CCDC171: variants seen among roughly 807,000 people sequenced by gnomAD.
CCDC171 encodes the protein coiled-coil domain-containing protein 171.
A neutral mutation model predicts 168.2 loss-of-function variants in CCDC171; 177 were observed. That is an observed-to-expected ratio of 1.05 (90% CI 0.93 to 1.19). The LOEUF is 1.19. CCDC171 is among the 50% of genes most tolerant of loss of function. The pLI is 0.00. For synonymous variants in CCDC171, 687 were observed against 540.8 expected (o/e 1.27, Z -3.75); for missense variants, 1,991 against 1,539.0 (o/e 1.29, Z -4.91).
intron 18 of CCDC171, among the ~76,000 whole-genome samples, chr9:15,762,131 T>G (rs2135104986): frequency 6.7e-6 from 1 of 150,264 alleles, no homozygotes; most frequent in Admixed American, 6.6e-5. Context: ...GGGTAATTTC[T>G]GGGCAACTTC....
intron 21 of CCDC171, among the ~76,000 whole-genome samples, chr9:15,802,971 T>C (rs775933367): frequency 9.2e-5 from 14 of 152,182 alleles, no homozygotes; most frequent in Admixed American, 2.6e-4. Flanking sequence ...AGATGGTATC[T>C]CATTGTTGTT....
intron 9 of CCDC171, among the ~76,000 whole-genome samples, chr9:15,671,397 G>C (rs142176672): frequency 6.6e-6 from 1 of 151,286 alleles, no homozygotes; most frequent in African/African-American, 2.4e-5. Context: ...TGTATACAAC[G>C]TGCAGGTTTG....
chr9:16,065,217 A>T (rs972522652), downstream of CCDC171, among the ~76,000 whole-genome samples: 2 of 152,178 alleles, frequency 1.3e-5, no homozygotes, highest in African/African-American at 2.4e-5. Flanking sequence ...TTATTCTACC[A>T]TTAAGTCTCA....
At chr9:16,103,574 A>G in the CCDC171 span, among the ~76,000 whole-genome samples, 33 of 152,210 alleles carry the variant, frequency 2.2e-4, no homozygotes, top group Non-Finnish European at 3.4e-4. Flanking sequence ...AAATTGAGAA[A>G]TGTCCTTGGT....
intron 7 of CCDC171, among the ~76,000 whole-genome samples, chr9:15,655,659 C>G (rs1333084675): frequency 6.6e-6 from 1 of 152,148 alleles, no homozygotes; most frequent in African/African-American, 2.4e-5. Context: ...AATCATGTAT[C>G]TAACAAAGGA....
chr9:15,596,622 A>G (rs1363834363), intron 6 of CCDC171, among the ~76,000 whole-genome samples: 1 of 151,932 alleles, frequency 6.6e-6, no homozygotes, highest in Non-Finnish European at 1.5e-5. Flanking sequence ...TGACTTGGCA[A>G]TGTGGGCTCT....
At chr9:15,613,282 C>T (rs1016721017) in intron 6 of CCDC171, among the ~76,000 whole-genome samples, 1 of 152,056 alleles carries the variant, frequency 6.6e-6, no homozygotes. Context: ...TAACATCATT[C>T]ATAGGTTCTT....
chr9:15,609,594 C>A (rs1275568503), intron 6 of CCDC171, among the ~76,000 whole-genome samples: 2 of 152,100 alleles, frequency 1.3e-5, no homozygotes, highest in East Asian at 3.8e-4. Flanking sequence ...GTTCTTTTAC[C>A]GCATATTGAT....
At chr9:15,667,888 G>T (rs895038541) in intron 9 of CCDC171, among the ~76,000 whole-genome samples, 4 of 152,182 alleles carry the variant, frequency 2.6e-5, no homozygotes, top group African/African-American at 4.8e-5. Context: ...ATGACATTCT[G>T]TGAATGTTAT....
At chr9:15,766,695 A>G (rs1382369550) in intron 18 of CCDC171, among the ~76,000 whole-genome samples, 1 of 151,418 alleles carries the variant, frequency 6.6e-6, no homozygotes, top group Non-Finnish European at 1.5e-5. Context: ...TGTCTCTGTC[A>G]CCCAGGCTGG....
intron 3 of CCDC171, among the ~76,000 whole-genome samples, chr9:16,009,056 A>G: frequency 6.6e-6 from 1 of 151,672 alleles, no homozygotes; most frequent in Non-Finnish European, 1.5e-5. Flanking sequence ...TAATATAAAA[A>G]TTGTATTATT....
At chr9:15,648,702 A>T (rs970430916) in intron 7 of CCDC171, among the ~76,000 whole-genome samples, 1 of 152,188 alleles carries the variant, frequency 6.6e-6, no homozygotes, top group Non-Finnish European at 1.5e-5. Flanking sequence ...GATGTGAAAG[A>T]CTTCTTCAAG....
intron 20 of CCDC171, 126 bp from the exon 21 acceptor site, chr9:15,784,383 T>C (rs2057827851): frequency 4.1e-5 from 21 of 510,922 alleles, no homozygotes. Context: ...GAAAAGCTAA[T>C]TGTATTTTTT....
intron 6 of CCDC171, among the ~76,000 whole-genome samples, chr9:15,597,366 A>G (rs1248806404): frequency 6.6e-6 from 1 of 152,100 alleles, no homozygotes; most frequent in Non-Finnish European, 1.5e-5. Context: ...GGGTTGCTGA[A>G]TTTTGTCAAA....
At chr9:15,750,687 A>G (rs1462448292) in intron 18 of CCDC171, among the ~76,000 whole-genome samples, 7 of 152,244 alleles carry the variant, frequency 4.6e-5, no homozygotes, top group Non-Finnish European at 8.8e-5. Context: ...CCACATGATT[A>G]TCTCAATGGA....
In CCDC171 at chr9:15,807,282, A is replaced by G. The variant is rs764287017; in HGVS notation, c.3267+22588A>G. Reference sequence around the variant, plus strand: ...ACTAGTGTAGTCATTTGGAGGATGTAAGACACTCTGGCCATTTGATTTCCC... The same window carrying G: ...ACTAGTGTAGTCATTTGGAGGATGTGAGACACTCTGGCCATTTGATTTCCC... On this transcript the variant is annotated intron_variant, in intron 21 of 25. Transcript: ENST00000380701. Among the ~76,000 whole-genome samples the G allele has an allele frequency of 7.5e-4, 114 of 152,222 alleles. 1 individual carries two copies. The highest frequency in any genetic ancestry group is 1.4e-3 in the Non-Finnish European group (96 of 68,032).
intron 12 of CCDC171, 105 bp from the exon 13 acceptor site, chr9:15,723,576 A>G (rs2053621087): frequency 4.1e-6 from 3 of 735,746 alleles, no homozygotes; most frequent in South Asian, 3.5e-5. Context: ...AAGTAATTGC[A>G]TAAAAAGCAC....
Position 15,973,449 on chromosome 9 carries a change from C to G in CCDC171, c.*1613C>G, listed in dbSNP as rs989810348. Reference sequence around the variant, plus strand: ...AAATTAGCCAAGTGATTTATGCCATCTGAGGGAACACAGCAGTATTACTGT... The same window carrying G: ...AAATTAGCCAAGTGATTTATGCCATGTGAGGGAACACAGCAGTATTACTGT... On this transcript the variant is annotated 3_prime_UTR_variant, in exon 26 of 26. Coordinates refer to ENST00000380701, the MANE Select transcript of CCDC171 (RefSeq NM_173550.4). 2 of 152,104 alleles carry G rather than the reference C, an allele frequency of 1.3e-5. No individual in the cohort carries two copies. Among genetic ancestry groups the G allele is most frequent in the Non-Finnish European group, 2.9e-5 (2 of 68,020 alleles). 9.4% of individuals were successfully genotyped at this position (152,104 alleles called of 1,614,324 possible).
chr9:16,038,446 C>G (rs1205087411), upstream of CCDC171, among the ~76,000 whole-genome samples: 1 of 151,978 alleles, frequency 6.6e-6, no homozygotes, highest in Non-Finnish European at 1.5e-5. Flanking sequence ...ATGTTTGGAG[C>G]TCTGAAGATT....
Sources: allele counts gnomAD v4.1 joint callset (sites outside exome capture counted in the v4.1 genomes callset), GRCh38; gene constraint gnomAD v4.1.1; transcripts MANE v1.5; gene names NCBI Gene and HGNC (gene_info 2026-07-23, HGNC 2026-07-21).